The following SOBP variants were observed in gnomAD, a reference collection of about 807,000 sequenced individuals.
SOBP encodes sine oculis binding protein homolog, also known as sine oculis-binding protein homolog.
SOBP carries 4 observed loss-of-function variants against 53.6 expected under a neutral mutation model. That is an observed-to-expected ratio of 0.07 (90% CI 0.04 to 0.17). The LOEUF is 0.17. Among genes scored for constraint, SOBP ranks in the 10% least tolerant of loss-of-function variants. SOBP has a pLI of 1.00. For synonymous variants in SOBP, 584 were observed against 522.6 expected, an observed-to-expected ratio of 1.12 and a Z score of -1.60; for missense variants, 1,088 against 1,204.7, an observed-to-expected ratio of 0.90 and a Z score of 1.43.
intron 6 of SOBP, among the ~76,000 whole-genome samples, chr6:107,646,542 C>T (rs1303138462): frequency 2.0e-5 from 3 of 152,234 alleles, no homozygotes; most frequent in Non-Finnish European, 4.4e-5. Context: ...GGAGGTTACA[C>T]AGCGATGCCT....
At chr6:107,620,432 T>G (rs1786960964) in intron 5 of SOBP, among the ~76,000 whole-genome samples, 1 of 152,232 alleles carries the variant, frequency 6.6e-6, no homozygotes, top group Admixed American at 6.5e-5. Flanking sequence ...GAACATCTAA[T>G]TGGTCCATTG....
intron 5 of SOBP, among the ~76,000 whole-genome samples, chr6:107,632,846 A>G (rs753176010): frequency 8.5e-5 from 13 of 152,254 alleles, no homozygotes; most frequent in Non-Finnish European, 1.8e-4. Context: ...AAGAAATGTC[A>G]CCAAAAATTC....
At chr6:107,548,464 C>T (rs12197469) in intron 4 of SOBP, among the ~76,000 whole-genome samples, 11 of 151,720 alleles carry the variant, frequency 7.3e-5, no homozygotes, top group Non-Finnish European at 1.0e-4. Flanking sequence ...GGATGGTCTC[C>T]ATCTCCTGAC....
intron 3 of SOBP, chr6:107,515,221 T>C (rs370770010): frequency 1.5e-4 from 23 of 152,198 alleles, no homozygotes; most frequent in African/African-American, 5.3e-4. Flanking sequence ...AATTGAATCT[T>C]TTCTACAAAG....
intron 5 of SOBP, 43 bp from the exon 6 acceptor site, chr6:107,633,471 T>C (rs370969962): frequency 1.9e-6 from 3 of 1,612,454 alleles, no homozygotes; most frequent in Non-Finnish European, 2.5e-6. Flanking sequence ...CCCAGGTAAA[T>C]TGCTTGTCTT....
chr6:107,573,414 T>C (rs963664465), intron 4 of SOBP, among the ~76,000 whole-genome samples: 1 of 152,180 alleles, frequency 6.6e-6, no homozygotes, highest in African/African-American at 2.4e-5. Flanking sequence ...CTGTCATATA[T>C]TGAGTACTTA....
intron 6 of SOBP, among the ~76,000 whole-genome samples, chr6:107,645,854 A>AG (rs1327671271): frequency 2.0e-5 from 3 of 152,334 alleles, no homozygotes; most frequent in Admixed American, 2.0e-4. Context: ...AGCATGTTAA[A>AG]GGGCACAGAC....
intron 4 of SOBP, among the ~76,000 whole-genome samples, chr6:107,586,563 T>G (rs1785575055): frequency 6.6e-6 from 1 of 152,082 alleles, no homozygotes; most frequent in South Asian, 2.1e-4. Context: ...TCATGGTTCT[T>G]ACCAGATCAT....
chr6:107,550,850 G>A (rs1197468413), intron 4 of SOBP, among the ~76,000 whole-genome samples: 3 of 152,120 alleles, frequency 2.0e-5, no homozygotes, highest in South Asian at 2.1e-4. Flanking sequence ...AAAATATCAC[G>A]GACTTTGTAG....
At chr6:107,530,847 T>C (rs990618142) in intron 3 of SOBP, among the ~76,000 whole-genome samples, 3 of 152,248 alleles carry the variant, frequency 2.0e-5, no homozygotes, top group Admixed American at 6.5e-5. Flanking sequence ...ATATTGTTGC[T>C]TTGTAGTAAG....
chr6:107,543,431 T>C (rs1784208817), intron 4 of SOBP, among the ~76,000 whole-genome samples: 1 of 152,256 alleles, frequency 6.6e-6, no homozygotes, highest in East Asian at 1.9e-4. Flanking sequence ...TTACATTACA[T>C]GCTCATACCT....
In SOBP at chr6:107,635,400, C is replaced by T. The variant is rs768485665; in HGVS notation, c.2556C>T (p.Ala852=). 1.9e-6 allele frequency: 3 copies of T among 1,613,298 alleles called. No homozygotes were observed. Among genetic ancestry groups the T allele is most frequent in the East Asian group, 2.2e-5 (1 of 44,880 alleles). ...TCATCTCCTCGCCCATGCTCAGCGC[C>T]GGGCCTGAGGACCTGGAGCCGCCGC... ...PCIISSPMLS[A]GPEDLEPPLK... Residue 852 remains alanine, a synonymous_variant, in exon 6 of 7, where the codon GCC becomes GCT. Transcript: ENST00000317357. The surrounding 1 kb of genome is among the most constrained non-coding windows in gnomAD (Gnocchi z 4.5).
Position 107,587,189 on chromosome 6 carries a change from A to G in SOBP, c.669+14A>G. On this transcript the variant is annotated intron_variant, in intron 5 of 6. Transcript: ENST00000317357. ...TGCGAACTACTTGTAAGAATAACATACTTACAACAAGTCTAGAATGTTACT... is the reference window on the plus strand; with the variant it reads ...TGCGAACTACTTGTAAGAATAACATGCTTACAACAAGTCTAGAATGTTACT... 6.3e-7 allele frequency: 1 copy of G among 1,588,162 alleles called. No homozygotes were observed. The highest frequency in any genetic ancestry group is 8.6e-7 in the Non-Finnish European group (1 of 1,157,314).
intron 4 of SOBP, among the ~76,000 whole-genome samples, chr6:107,580,503 C>G (rs1377858054): frequency 6.6e-6 from 1 of 152,116 alleles, no homozygotes; most frequent in East Asian, 1.9e-4. Context: ...ATGGTCTCTG[C>G]CGTCAAGGAG....
chr6:107,613,688 C>T (rs1320452719), intron 5 of SOBP, among the ~76,000 whole-genome samples: 6 of 152,312 alleles, frequency 3.9e-5, no homozygotes, highest in African/African-American at 1.4e-4. Flanking sequence ...CCTTCATGTT[C>T]AGAAAGGTTA....
At chr6:107,547,172 C>A (rs1032540589) in intron 4 of SOBP, among the ~76,000 whole-genome samples, 1 of 152,152 alleles carries the variant, frequency 6.6e-6, no homozygotes, top group Non-Finnish European at 1.5e-5. Flanking sequence ...AATGAGGTAA[C>A]CTGACATCAG....
At chr6:107,549,296 A>C (rs148368864) in intron 4 of SOBP, among the ~76,000 whole-genome samples, 348 of 152,182 alleles carry the variant, frequency 2.3e-3, no homozygotes, top group African/African-American at 6.4e-3. Context: ...ACAACAACAA[A>C]AAAAAACAGA....
At chr6:107,531,731 A>G (rs1239101653) in intron 3 of SOBP, among the ~76,000 whole-genome samples, 1 of 152,200 alleles carries the variant, frequency 6.6e-6, no homozygotes, top group Non-Finnish European at 1.5e-5. Flanking sequence ...ATATTATACC[A>G]TTTAAAGAAA....
At chr6:107,607,756 A>G (rs569853534) in intron 5 of SOBP, among the ~76,000 whole-genome samples, 1 of 152,340 alleles carries the variant, frequency 6.6e-6, no homozygotes, top group Admixed American at 6.5e-5. Flanking sequence ...GGGGTATAAC[A>G]TTGTTTTCAG....
Sources: gnomAD v4.1 joint callset for allele counts (sites outside exome capture counted in the v4.1 genomes callset) on GRCh38, gnomAD v4.1.1 for gene constraint, Gnocchi (gnomAD v3.1) non-coding constraint, MANE v1.5 for transcripts, NCBI Gene and HGNC (gene_info 2026-07-23, HGNC 2026-07-21) for gene names.